Variants in TBC1D8 observed in about 807,000 individuals in gnomAD.
The protein encoded by TBC1D8 is TBC1 domain family member 8.
In TBC1D8, 65 loss-of-function variants were observed where a neutral mutation model predicts 118.8. The ratio of observed to expected loss-of-function variants is 0.55; its 90% CI spans 0.45 to 0.67. TBC1D8 has a LOEUF of 0.67. Ranked by LOEUF, TBC1D8 falls within the 30% of genes least tolerant of loss-of-function variation. The pLI, the probability that TBC1D8 is intolerant of heterozygous loss-of-function variation, is 0.00. For missense variants in TBC1D8, 1,376 were observed against 1,471.2 expected, an observed-to-expected ratio of 0.94 and a Z score of 1.06; for synonymous variants, 566 against 595.8, an observed-to-expected ratio of 0.95 and a Z score of 0.73.
chr2:101,105,273 T>C (rs1677128686), intron 1 of TBC1D8, among the ~76,000 whole-genome samples: 2 of 151,994 alleles, frequency 1.3e-5, no homozygotes, highest in South Asian at 4.1e-4. Flanking sequence ...TACAAAGAAT[T>C]CTTAAAACTC....
intron 6 of TBC1D8, 86 bp from the exon 7 acceptor site, chr2:101,038,741 G>A (rs1681196050): frequency 7.0e-7 from 1 of 1,437,866 alleles, no homozygotes; most frequent in East Asian, 2.3e-5. Context: ...CCGAAACAGA[G>A]GGCAAGGCAC....
At chr2:101,030,229 A>G (rs1250714660) in intron 11 of TBC1D8, among the ~76,000 whole-genome samples, 2 of 152,258 alleles carry the variant, frequency 1.3e-5, no homozygotes, top group Admixed American at 1.3e-4. Flanking sequence ...CACCATTAAT[A>G]AAATGAAAAT....
intron 1 of TBC1D8, among the ~76,000 whole-genome samples, chr2:101,118,478 C>T (rs1266470284): frequency 9.5e-5 from 14 of 147,650 alleles, no homozygotes; most frequent in Non-Finnish European, 1.6e-4. Context: ...GGGTGGATCA[C>T]AAGGTCAGGA....
At chr2:101,125,252 C>A (rs1678302030) in intron 1 of TBC1D8, among the ~76,000 whole-genome samples, 3 of 152,158 alleles carry the variant, frequency 2.0e-5, no homozygotes, top group Admixed American at 6.5e-5. Flanking sequence ...CATTCCTGAA[C>A]CTGCTATTCA....
intron 1 of TBC1D8, among the ~76,000 whole-genome samples, chr2:101,114,156 A>G (rs1180104858): frequency 6.6e-6 from 1 of 152,218 alleles, no homozygotes; most frequent in Admixed American, 6.5e-5. Context: ...GTTTGGCACG[A>G]CTGTTTCCAA....
At chr2:101,017,075 A>T (rs971958959) in intron 17 of TBC1D8, among the ~76,000 whole-genome samples, 98 of 104,736 alleles carry the variant, frequency 9.4e-4, no homozygotes, top group African/African-American at 2.9e-3. Context: ...TAAAAGTATT[A>T]AAAAAAAAAA....
At chr2:101,035,103 C>A (rs1224981343) in intron 9 of TBC1D8, among the ~76,000 whole-genome samples, 1 of 152,132 alleles carries the variant, frequency 6.6e-6, no homozygotes, top group Non-Finnish European at 1.5e-5. Flanking sequence ...TGAAGTAGGA[C>A]AAGAGATGCT....
chr2:101,076,874 T>C (rs528255541), intron 2 of TBC1D8, among the ~76,000 whole-genome samples: 1 of 152,290 alleles, frequency 6.6e-6, no homozygotes. Context: ...TATAAAGAAA[T>C]ACCCGAGACT....
intron 15 of TBC1D8, among the ~76,000 whole-genome samples, chr2:101,025,214 T>C (rs1473027838): frequency 3.0e-5 from 3 of 99,530 alleles, no homozygotes; most frequent in African/African-American, 9.6e-5. Flanking sequence ...AATAGGCCCT[T>C]TTTTTTTTTA....
intron 6 of TBC1D8, among the ~76,000 whole-genome samples, chr2:101,039,337 CAT>C (rs1178140909): frequency 6.6e-6 from 1 of 152,134 alleles, no homozygotes; most frequent in Non-Finnish European, 1.5e-5. Context: ...AGAATAATAA[CAT>C]GGAGTTAGGA....
At chr2:101,099,596 G>A (rs923439323) in intron 1 of TBC1D8, among the ~76,000 whole-genome samples, 5 of 152,114 alleles carry the variant, frequency 3.3e-5, no homozygotes, top group South Asian at 4.1e-4. Flanking sequence ...GATGAGCATC[G>A]ATGTAAAAAT....
chr2:101,095,366 GCATTAGGTATAT>G (rs1676336193), intron 1 of TBC1D8, among the ~76,000 whole-genome samples: 2 of 149,340 alleles, frequency 1.3e-5, no homozygotes, highest in South Asian at 4.3e-4. Flanking sequence ...TCGTCATTTA[GCATTAGGTATAT>G]CTCCTAATGC....
rs763869063 is a variant in TBC1D8, at chr2:101,022,365, C to T, written c.2677G>A (p.Glu893Lys). ...CTGAACGTCCTTTCGGCGAGGATCT[C>T]CGTGTGGGCCCCGCAGGTCCAGGGC... ...VSPWTCGAHT[E>K]ILAERTFRLL... The change falls in exon 16 of 20, where the codon GAG (glutamate) becomes AAG (lysine). Residue 893 changes from glutamate (E) to lysine (K), a missense_variant. By Grantham distance (56) the Glu-to-Lys change is moderately conservative. Transcript: ENST00000409318. The T allele has an allele frequency of 1.5e-5, 25 of 1,613,246 alleles. No homozygotes were observed. In the South Asian group the frequency reaches 2.4e-4, roughly 16 times the overall value.
chr2:101,028,328 G>T lies in TBC1D8; in HGVS notation c.2327C>A (p.Ser776Ter). 1 of 1,612,798 alleles carries T rather than the reference G, an allele frequency of 6.2e-7. No homozygotes were observed. The highest frequency in any genetic ancestry group is 8.5e-7 in the Non-Finnish European group (1 of 1,179,414). ...CTCATAGGAATCCCGGATCAGGTCCGAAATATCAGTCACAGGGTAGGGCTC... is the reference window on the plus strand; with the variant it reads ...CTCATAGGAATCCCGGATCAGGTCCTAAATATCAGTCACAGGGTAGGGCTC... ...DQEPYPVTDI[S>*]DLIRDSYEKF... is the part of the protein sequence containing the mutation. Residue 776 changes from serine (S) to a stop codon, truncating the protein, a stop_gained, in exon 13 of 20, where the codon TCG becomes TAG. Coordinates refer to ENST00000409318, the MANE Select transcript of TBC1D8 (RefSeq NM_001330348.2). LOFTEE classifies it high-confidence loss of function.
chr2:101,037,878 C>G (rs1403964673), intron 7 of TBC1D8, among the ~76,000 whole-genome samples, 170 bp from the exon 8 acceptor site: 4 of 152,164 alleles, frequency 2.6e-5, no homozygotes, highest in Admixed American at 2.6e-4. Context: ...TAGGAAGACA[C>G]AGTCCCACTG....
At chr2:101,049,585 GGGC>G (rs1681922005) in intron 5 of TBC1D8, among the ~76,000 whole-genome samples, 4 of 151,782 alleles carry the variant, frequency 2.6e-5, no homozygotes, top group African/African-American at 4.8e-5. Flanking sequence ...AAAATTAGCT[GGGC>G]GTGGTGGTGG....
chr2:101,142,348 T>C (rs1437307456), intron 1 of TBC1D8, among the ~76,000 whole-genome samples: 2 of 152,102 alleles, frequency 1.3e-5, no homozygotes, highest in African/African-American at 4.8e-5. Flanking sequence ...AGAAATAAAT[T>C]TATGTGTCGG....
At chr2:101,140,344 A>G (rs1245406895) in intron 1 of TBC1D8, among the ~76,000 whole-genome samples, 2 of 152,208 alleles carry the variant, frequency 1.3e-5, no homozygotes, top group Non-Finnish European at 2.9e-5. Context: ...TTCTGAAAAC[A>G]GTTTTAAAAG....
intron 4 of TBC1D8, among the ~76,000 whole-genome samples, chr2:101,052,479 CTTT>C (rs3043690): frequency 7.2e-6 from 1 of 138,820 alleles, no homozygotes; most frequent in African/African-American, 2.7e-5. Context: ...TTTCCTAAAT[CTTT>C]TTTTTTTTTT....
Sources: allele counts gnomAD v4.1 joint callset (sites outside exome capture counted in the v4.1 genomes callset), GRCh38; gene constraint gnomAD v4.1.1; transcripts MANE v1.5; gene names NCBI Gene and HGNC (gene_info 2026-07-23, HGNC 2026-07-21).